PPP4R1: variants seen among roughly 807,000 people sequenced by gnomAD.
The protein encoded by PPP4R1 is serine/threonine-protein phosphatase 4 regulatory subunit 1.
A neutral mutation model predicts 111.2 loss-of-function variants in PPP4R1; 42 were observed. That is an observed-to-expected ratio of 0.38 (90% CI 0.29 to 0.49). The LOEUF is 0.49. PPP4R1 is among the 20% of genes least tolerant of loss of function. The pLI, the probability that PPP4R1 is intolerant of heterozygous loss-of-function variation, is 0.97. For missense variants in PPP4R1, 1,012 were observed against 1,161.6 expected (o/e 0.87, Z 1.87); for synonymous variants, 409 against 405.5 (o/e 1.01, Z -0.10).
upstream of PPP4R1, among the ~76,000 whole-genome samples, chr18:9,616,447 A>T (rs574662285): frequency 2.3e-4 from 35 of 152,214 alleles, no homozygotes; most frequent in African/African-American, 8.4e-4. Context: ...ATTTATTTTT[A>T]AAATTTTTTA....
At chr18:9,582,560 G>A in intron 9 of PPP4R1, among the ~76,000 whole-genome samples, 1 of 152,044 alleles carries the variant, frequency 6.6e-6, no homozygotes, top group Non-Finnish European at 1.5e-5. Flanking sequence ...GAAAAGCCCA[G>A]GCCCAGACGG....
At chr18:9,549,654 G>A (rs147098460) in intron 18 of PPP4R1, among the ~76,000 whole-genome samples, 226 of 152,348 alleles carry the variant, frequency 1.5e-3, no homozygotes, top group African/African-American at 5.2e-3. Flanking sequence ...TGCACAGTAT[G>A]TGTGTGGTGG....
chr18:9,556,245 T>C (rs1298919369), intron 15 of PPP4R1, among the ~76,000 whole-genome samples: 1 of 150,592 alleles, frequency 6.6e-6, no homozygotes, highest in Non-Finnish European at 1.5e-5. Flanking sequence ...CCAGCTGGAG[T>C]GCAGTGGCAT....
At chr18:9,569,061 T>C (rs983004457) in intron 11 of PPP4R1, among the ~76,000 whole-genome samples, 9 of 151,330 alleles carry the variant, frequency 5.9e-5, no homozygotes, top group African/African-American at 2.2e-4. Flanking sequence ...CTGGGTGCAG[T>C]GGCACATGCC....
chr18:9,614,452 C>A lies in PPP4R1; in HGVS notation c.7+26G>T. The A allele has an allele frequency of 9.7e-7, 1 of 1,029,152 alleles. No individual in the cohort carries two copies. The highest frequency in any genetic ancestry group is 4.7e-4 in the Middle Eastern group (1 of 2,146). The allele number at this position is 1,029,152 out of a possible 1,614,324, so 63.8% of individuals were successfully genotyped here. A position where few individuals can be genotyped will look rare whatever the true frequency, so the allele number is the denominator to read the frequency against. ...GCGGGTGGGCTCGAGGAGCCGCCGC[C>A]GCCCGGAGAACAGGGGGCCACGTAC... On this transcript the variant is annotated intron_variant, in intron 1 of 19. Transcript: ENST00000400556. The surrounding 1 kb of genome is among the most constrained non-coding windows in gnomAD (Gnocchi z 4.1).
At chr18:9,549,879 G>T in intron 18 of PPP4R1, 173 bp downstream of exon 18, 1 of 948,802 alleles carries the variant, frequency 1.1e-6, no homozygotes, top group Non-Finnish European at 1.5e-6. Context: ...AGCTGGGAGA[G>T]AGGGGCCACC....
chr18:9,566,413 GCTGAGGTGGGTGGATTAC>G (rs1365083781), intron 11 of PPP4R1, among the ~76,000 whole-genome samples: 2 of 151,756 alleles, frequency 1.3e-5, no homozygotes, highest in Non-Finnish European at 2.9e-5. Flanking sequence ...ACTTTGGGAG[GCTGAGGTGGGTGGATTAC>G]CTGAGGTGAA....
chr18:9,614,463 C>T lies in PPP4R1; in HGVS notation c.7+15G>A. On this transcript the variant is annotated intron_variant, in intron 1 of 19. Coordinates refer to ENST00000400556, the MANE Select transcript of PPP4R1 (RefSeq NM_001042388.3). This position sits in a 1 kb window ranked among gnomAD's most constrained non-coding sequence, Gnocchi z 4.1. ...CGAGGAGCCGCCGCCGCCCGGAGAA[C>T]AGGGGGCCACGTACCCGCCATCTTG... 6 of 1,032,208 alleles carry T rather than the reference C, an allele frequency of 5.8e-6. No individual in the cohort carries two copies. The highest frequency in any genetic ancestry group is 7.0e-6 in the Non-Finnish European group (6 of 861,204). 63.9% of individuals were successfully genotyped at this position (1,032,208 alleles called of 1,614,324 possible).
intron 2 of PPP4R1, among the ~76,000 whole-genome samples, chr18:9,597,843 C>A (rs1282309308): frequency 6.6e-6 from 1 of 151,950 alleles, no homozygotes; most frequent in East Asian, 1.9e-4. Flanking sequence ...AAAATACAAA[C>A]CATGAGGCAA....
chr18:9,601,910 C>T (rs1405007204), intron 2 of PPP4R1, among the ~76,000 whole-genome samples: 2 of 152,152 alleles, frequency 1.3e-5, no homozygotes, highest in Admixed American at 1.3e-4. Flanking sequence ...TAAACATAAA[C>T]TAGGCTCAAT....
intron 15 of PPP4R1, among the ~76,000 whole-genome samples, chr18:9,554,517 C>T (rs187402486): frequency 3.3e-5 from 5 of 151,896 alleles, no homozygotes; most frequent in African/African-American, 9.7e-5. Context: ...AGAGAGAAAA[C>T]GGTATTGAAT....
chr18:9,583,668 CAG>C (rs2067069160), intron 8 of PPP4R1, among the ~76,000 whole-genome samples: 1 of 152,092 alleles, frequency 6.6e-6, no homozygotes, highest in South Asian at 2.1e-4. Context: ...CGCCCAGCCT[CAG>C]TGTTTTAAAT....
intron 11 of PPP4R1, among the ~76,000 whole-genome samples, chr18:9,568,013 CAGTAT>C (rs1258405889): frequency 6.6e-6 from 1 of 152,114 alleles, no homozygotes; most frequent in Admixed American, 6.5e-5. Context: ...ATGCTTACTA[CAGTAT>C]AGTATAAACA....
At chr18:9,549,163 C>T (rs781106477) in intron 19 of PPP4R1, 34 bp downstream of exon 19, 8 of 1,599,552 alleles carry the variant, frequency 5.0e-6, no homozygotes, top group Non-Finnish European at 6.9e-6. Context: ...TCCTTCTCTA[C>T]TCACACGCTT....
intron 2 of PPP4R1, among the ~76,000 whole-genome samples, chr18:9,595,991 G>A (rs906930822): frequency 1.1e-4 from 16 of 152,168 alleles, no homozygotes; most frequent in African/African-American, 3.9e-4. Context: ...CATGAAAGCC[G>A]AGAAGCCAAA....
intron 10 of PPP4R1, among the ~76,000 whole-genome samples, chr18:9,572,347 T>C (rs532255697): frequency 6.6e-6 from 1 of 152,212 alleles, no homozygotes; most frequent in South Asian, 2.1e-4. Flanking sequence ...GAGCATATTT[T>C]TAGGCTGAGG....
At position 9,549,868 on chromosome 18, in the gene PPP4R1, T is replaced by C. The variant is rs2066460777; in HGVS notation, c.2547+184A>G. On this transcript the variant is annotated intron_variant, in intron 18 of 19. Coordinates refer to ENST00000400556, the MANE Select transcript of PPP4R1 (RefSeq NM_001042388.3). ...ATGCCAGTGTAAGGAGGGGCTTGGCTAGCTGGGAGAGAGGGGCCACCAGAT... is the reference window on the plus strand; with the variant it reads ...ATGCCAGTGTAAGGAGGGGCTTGGCCAGCTGGGAGAGAGGGGCCACCAGAT... 6.0e-6 allele frequency: 5 copies of C among 837,774 alleles called. No homozygotes were observed. The South Asian group carries it at 9.1e-5, about 15-fold the overall frequency. The allele number at this position is 837,774 out of a possible 1,614,324, so 51.9% of individuals were successfully genotyped here.
intron 11 of PPP4R1, among the ~76,000 whole-genome samples, chr18:9,568,983 T>C (rs1207849270): frequency 6.6e-6 from 1 of 151,092 alleles, no homozygotes; most frequent in Non-Finnish European, 1.5e-5. Flanking sequence ...TGCAGTGAGC[T>C]GAGATGGCAC....
At chr18:9,615,252 C>G (rs1411633751), upstream of PPP4R1, 2 of 152,292 alleles carry the variant, frequency 1.3e-5, no homozygotes, top group Admixed American at 1.3e-4. Flanking sequence ...CCACGTCCTG[C>G]CAACTCGAGC....
Sources: gnomAD v4.1 joint callset for allele counts (sites outside exome capture counted in the v4.1 genomes callset) on GRCh38, gnomAD v4.1.1 for gene constraint, Gnocchi (gnomAD v3.1) non-coding constraint, MANE v1.5 for transcripts, NCBI Gene and HGNC (gene_info 2026-07-23, HGNC 2026-07-21) for gene names.